JUND: variants seen among roughly 807,000 people sequenced by gnomAD.
JUND encodes the protein JunD proto-oncogene, AP-1 transcription factor subunit.
JUND carries 2 observed loss-of-function variants against 7.1 expected under a neutral mutation model. The ratio of observed to expected loss-of-function variants is 0.28; its 90% CI spans 0.11 to 0.88. JUND has a LOEUF of 0.88. JUND is among the 40% of genes least tolerant of loss of function. The pLI is 0.60. For missense variants in JUND, 479 were observed against 519.1 expected (o/e 0.92, Z 0.75); for synonymous variants, 335 against 263.2 (o/e 1.27, Z -2.64).
Position 18,280,855 on chromosome 19 carries a change from GGCGCCCCCC to G in JUND, c.621_629del (p.Gly208_Ala210del), listed in dbSNP as rs1715319895. ...GTTCGGCAGCGAAGGCGACCGTCGCGGCGCCCCCCGCGCCCCCGGCGCCGCCCGCGTAGC... is the reference window on the plus strand; with the variant it reads ...GTTCGGCAGCGAAGGCGACCGTCGCGGCGCCCCCGGCGCCGCCCGCGTAGC... On this transcript the variant is annotated inframe_deletion, in exon 1 of 1. Coordinates refer to ENST00000252818, the MANE Select transcript of JUND (RefSeq NM_005354.6). This position sits in a 1 kb window ranked among gnomAD's most constrained non-coding sequence, Gnocchi z 4.1. 4 of 1,325,294 alleles carry G rather than the reference GGCGCCCCCC, an allele frequency of 3.0e-6. No individual in the cohort carries two copies. Among genetic ancestry groups the G allele is most frequent in the Admixed American group, 4.2e-5 (1 of 24,014 alleles). The allele number at this position is 1,325,294 out of a possible 1,614,324, so 82.1% of individuals were successfully genotyped here.
In JUND at chr19:18,280,500, G is replaced by T. The variant is rs1969923741; in HGVS notation, c.985C>A (p.Leu329Ile). 1.3e-6 allele frequency: 2 copies of T among 1,599,852 alleles called. No homozygotes were observed. Among genetic ancestry groups the T allele is most frequent in the Non-Finnish European group, 1.7e-6 (2 of 1,173,854 alleles). ...EQVAQLKQKV[L>I]SHVNSGCQLL... ...TGGCAGCCGCTGTTGACGTGGCTGA[G>T]GACTTTCTGCTTGAGCTGCGCCACC... The change falls in exon 1 of 1, where the codon CTC (leucine) becomes ATC (isoleucine). Residue 329 changes from leucine (L) to isoleucine (I), a missense_variant. By Grantham distance (5) the Leu-to-Ile change is conservative. Transcript: ENST00000252818. The surrounding 1 kb of genome is among the most constrained non-coding windows in gnomAD (Gnocchi z 4.1).
Position 18,280,959 on chromosome 19 carries a change from A to G in JUND, c.526T>C (p.Ser176Pro), listed in dbSNP as rs1969934775. 9.5e-7 allele frequency: 1 copy of G among 1,052,096 alleles called. No homozygotes were observed. Among genetic ancestry groups the G allele is most frequent in the South Asian group, 4.4e-5 (1 of 22,604 alleles). 65.2% of individuals were successfully genotyped at this position (1,052,096 alleles called of 1,614,324 possible). The change falls in exon 1 of 1, where the codon TCC (serine) becomes CCC (proline). Residue 176 changes from serine to proline, a missense_variant. Transcript: ENST00000252818. This position sits in a 1 kb window ranked among gnomAD's most constrained non-coding sequence, Gnocchi z 4.1. ...GGGGCCAGCTCGCCGGGGGGCGCGG[A>G]GCCCGTGGCCGTGCCCGAGGGCCCC... ...AGGPSGTATGSAPPGELAPAA... is the reference protein window; with the variant it reads ...AGGPSGTATGPAPPGELAPAA...
rs768541781 is a variant in JUND at position 18,281,296 on chromosome 19, C to T, written c.189G>A (p.Lys63=). The T allele has an allele frequency of 5.8e-6, 8 of 1,390,392 alleles. No homozygotes were observed. Among genetic ancestry groups the T allele is most frequent in the South Asian group, 3.1e-5 (2 of 63,518 alleles). 86.1% of individuals were successfully genotyped at this position (1,390,392 alleles called of 1,614,324 possible). Residue 63 remains lysine (K), a synonymous_variant, in exon 1 of 1, where the codon AAG becomes AAA. Coordinates refer to ENST00000252818, the MANE Select transcript of JUND (RefSeq NM_005354.6). ...SLSEQVAAAL[K]PAAAPPPTPL... is the part of the protein sequence containing the mutation. Reference sequence around the variant, plus strand: ...GGGTAGGAGGCGGCGCGGCCGCAGGCTTGAGCGCTGCCGCCACCTGCTCAC... The same window carrying T: ...GGGTAGGAGGCGGCGCGGCCGCAGGTTTGAGCGCTGCCGCCACCTGCTCAC...
rs1175511322 is a variant in JUND at position 18,280,857 on chromosome 19, C to T, written c.628G>A (p.Ala210Thr). 15 of 1,311,090 alleles carry T rather than the reference C, an allele frequency of 1.1e-5. No individual in the cohort carries two copies. The East Asian group carries it at 3.8e-4, about 33-fold the overall frequency. The allele number at this position is 1,311,090 out of a possible 1,614,324, so 81.2% of individuals were successfully genotyped here. A position where few individuals can be genotyped will look rare whatever the true frequency, so the allele number is the denominator to read the frequency against. Residue 210 changes from alanine to threonine, a missense_variant, in exon 1 of 1, where the codon GCC (alanine) becomes ACC (threonine). Ala to Thr is a moderately conservative substitution (Grantham distance 58, BLOSUM62 0). Around this residue, in one of 3 missense-constraint regions of JUND, gnomAD observed 374 missense variants for 365.4 expected, o/e 1.02. Coordinates refer to ENST00000252818, the MANE Select transcript of JUND (RefSeq NM_005354.6). The surrounding 1 kb of genome is among the most constrained non-coding windows in gnomAD (Gnocchi z 4.1). Reference protein sequence around the residue: ...YAGGAGGAGGAATVAFAAEPV... With the variant: ...YAGGAGGAGGTATVAFAAEPV... ...TCGGCAGCGAAGGCGACCGTCGCGGCGCCCCCCGCGCCCCCGGCGCCGCCC... is the reference window on the plus strand; with the variant it reads ...TCGGCAGCGAAGGCGACCGTCGCGGTGCCCCCCGCGCCCCCGGCGCCGCCC...
chr19:18,281,340 C>T lies in JUND; in HGVS notation c.145G>A (p.Ala49Thr). Residue 49 changes from alanine to threonine, a missense_variant, in exon 1 of 1, where the codon GCG becomes ACG. Ala to Thr is a moderately conservative substitution (Grantham distance 58). Around this residue, in one of 3 missense-constraint regions of JUND, gnomAD observed 374 missense variants for 365.4 expected, o/e 1.02. Transcript: ENST00000252818. ...AAAGSMMKKD[A>T]LTLSLSEQVA... ...TGCTCACTCAGGCTCAGCGTCAGCG[C>T]GTCCTTCTTCATCATGCTGCCGGCC... 8 of 1,350,844 alleles carry T rather than the reference C, an allele frequency of 5.9e-6. No homozygotes were observed. Among genetic ancestry groups the T allele is most frequent in the Non-Finnish European group, 7.5e-6 (8 of 1,060,916 alleles). The allele number at this position is 1,350,844 out of a possible 1,614,324, so 83.7% of individuals were successfully genotyped here.
rs1177523014 is a variant in JUND, at chr19:18,280,794, A to G, written c.691T>C (p.Leu231=). The part of the protein sequence containing the change: ...PFPPPPPPGA[L]GPPRLAALKD... ...AGCGCAGCCAGGCGCGGCGGCCCCA[A>G]CGCGCCTGGGGGTGGCGGCGGCGGG... Residue 231 remains leucine (L), a synonymous_variant, in exon 1 of 1, where the codon TTG becomes CTG. Transcript: ENST00000252818. The surrounding 1 kb of genome is among the most constrained non-coding windows in gnomAD (Gnocchi z 4.1). 1.9e-6 allele frequency: 3 copies of G among 1,583,622 alleles called. No individual in the cohort carries two copies. The highest frequency in any genetic ancestry group is 1.4e-5 in the African/African-American group (1 of 72,912).
At position 18,280,525 on chromosome 19, in the gene JUND, C is replaced by T; in HGVS notation, c.960G>A (p.Gln320=). 1.2e-6 allele frequency: 2 copies of T among 1,610,884 alleles called. No homozygotes were observed. Among genetic ancestry groups the T allele is most frequent in the African/African-American group, 1.3e-5 (1 of 75,020 alleles). Residue 320 remains glutamine (Q), a synonymous_variant, in exon 1 of 1, where the codon CAG becomes CAA. Coordinates refer to ENST00000252818, the MANE Select transcript of JUND (RefSeq NM_005354.6). The surrounding 1 kb of genome is among the most constrained non-coding windows in gnomAD (Gnocchi z 4.1). ...LASTASLLRE[Q]VAQLKQKVLS... is the part of the protein sequence containing the mutation. ...GGACTTTCTGCTTGAGCTGCGCCAC[C>T]TGCTCGCGCAGCAGGCTCGCCGTGG...
chr19:18,280,347 G>A lies in JUND; in HGVS notation c.*94C>T. 1 of 1,392,908 alleles carries A rather than the reference G, an allele frequency of 7.2e-7. No individual in the cohort carries two copies. Among genetic ancestry groups the A allele is most frequent in the Non-Finnish European group, 9.6e-7 (1 of 1,044,162 alleles). 86.3% of individuals were successfully genotyped at this position (1,392,908 alleles called of 1,614,324 possible). ...ACACTCGGGGAGGGGGGGTCCCCAG[G>A]GCCGCACCCTCTCCAAGTCCGGGGC... On this transcript the variant is annotated 3_prime_UTR_variant, in exon 1 of 1. Transcript: ENST00000252818. The surrounding 1 kb of genome is among the most constrained non-coding windows in gnomAD (Gnocchi z 4.1).
rs1308713097 is a variant in JUND, at chr19:18,280,789, C to T, written c.696G>A (p.Gly232=). Reference sequence around the variant, plus strand: ...CCTTGAGCGCAGCCAGGCGCGGCGGCCCCAACGCGCCTGGGGGTGGCGGCG... The same window carrying T: ...CCTTGAGCGCAGCCAGGCGCGGCGGTCCCAACGCGCCTGGGGGTGGCGGCG... The part of the protein sequence containing the change: ...FPPPPPPGAL[G]PPRLAALKDE... The change falls in exon 1 of 1, where the codon GGG becomes GGA. Residue 232 remains glycine, a synonymous_variant. Coordinates refer to ENST00000252818, the MANE Select transcript of JUND (RefSeq NM_005354.6). The surrounding 1 kb of genome is among the most constrained non-coding windows in gnomAD (Gnocchi z 4.1). 5.0e-6 allele frequency: 8 copies of T among 1,585,004 alleles called. No homozygotes were observed. The highest frequency in any genetic ancestry group is 6.8e-6 in the Non-Finnish European group (8 of 1,173,392).
In JUND at chr19:18,280,799, C is replaced by T; in HGVS notation, c.686G>A (p.Gly229Asp). 1 of 1,575,402 alleles carries T rather than the reference C, an allele frequency of 6.3e-7. No individual in the cohort carries two copies. The highest frequency in any genetic ancestry group is 8.6e-7 in the Non-Finnish European group (1 of 1,169,536). Residue 229 changes from glycine to aspartate, a missense_variant, in exon 1 of 1, where the codon GGC becomes GAC. Coordinates refer to ENST00000252818, the MANE Select transcript of JUND (RefSeq NM_005354.6). This position sits in a 1 kb window ranked among gnomAD's most constrained non-coding sequence, Gnocchi z 4.1. ...PVPFPPPPPP[G>D]ALGPPRLAAL... ...AGCCAGGCGCGGCGGCCCCAACGCGCCTGGGGGTGGCGGCGGCGGGAAGGG... is the reference window on the plus strand; with the variant it reads ...AGCCAGGCGCGGCGGCCCCAACGCGTCTGGGGGTGGCGGCGGCGGGAAGGG...
rs1011969391 is a variant in JUND at position 18,280,889 on chromosome 19, C to G, written c.596G>C (p.Ser199Thr). The change falls in exon 1 of 1, where the codon AGC becomes ACC. Residue 199 changes from serine (S) to threonine (T), a missense_variant. Ser to Thr is a moderately conservative substitution (Grantham distance 58). Coordinates refer to ENST00000252818, the MANE Select transcript of JUND (RefSeq NM_005354.6). This position sits in a 1 kb window ranked among gnomAD's most constrained non-coding sequence, Gnocchi z 4.1. ...CGCGCCCCCGGCGCCGCCCGCGTAG[C>G]TGCTCAGGTTCGCGTAGACAGGCGC... is the stretch of plus-strand genomic sequence containing the variant. Reference protein sequence around the residue: ...PEAPVYANLSSYAGGAGGAGG... With the variant: ...PEAPVYANLSTYAGGAGGAGG... 7.8e-7 allele frequency: 1 copy of G among 1,283,130 alleles called. No individual in the cohort carries two copies. The allele number at this position is 1,283,130 out of a possible 1,614,324, so 79.5% of individuals were successfully genotyped here. A position where few individuals can be genotyped will look rare whatever the true frequency, so the allele number is the denominator to read the frequency against.
In JUND at chr19:18,281,151, C is replaced by T; in HGVS notation, c.334G>A (p.Gly112Arg). Residue 112 changes from glycine to arginine, a missense_variant, in exon 1 of 1, where the codon GGG (glycine) becomes AGG (arginine). This residue lies in a region of JUND where 374 missense variants were observed against 365.4 expected (regional missense o/e 1.02). Transcript: ENST00000252818. ...ELERLIIQSN[G>R]LVTTTPTSSQ... is the part of the protein sequence containing the mutation. The stretch of plus-strand genomic sequence containing the variant: ...CTCGTCGGCGTGGTGGTGACCAGCC[C>T]GTTGGACTGGATGATGAGGCGCTCG... 1 of 1,572,970 alleles carries T rather than the reference C, an allele frequency of 6.4e-7. No homozygotes were observed. The highest frequency in any genetic ancestry group is 8.6e-7 in the Non-Finnish European group (1 of 1,167,320).
At position 18,280,840 on chromosome 19, in the gene JUND, G is replaced by C. The variant is rs12979029; in HGVS notation, c.645C>G (p.Phe215Leu). ...GGAGGAATVA[F>L]AAEPVPFPPP... ...GCGGGAAGGGCACAGGTTCGGCAGC[G>C]AAGGCGACCGTCGCGGCGCCCCCCG... Residue 215 changes from phenylalanine to leucine, a missense_variant, in exon 1 of 1, where the codon TTC (phenylalanine) becomes TTG (leucine). Phe to Leu is a conservative substitution (Grantham distance 22, BLOSUM62 0). Transcript: ENST00000252818. The surrounding 1 kb of genome is among the most constrained non-coding windows in gnomAD (Gnocchi z 4.1). 7.2e-7 allele frequency: 1 copy of C among 1,390,526 alleles called. No homozygotes were observed. Among genetic ancestry groups the C allele is most frequent in the African/African-American group, 1.5e-5 (1 of 65,434 alleles). 86.1% of individuals were successfully genotyped at this position (1,390,526 alleles called of 1,614,324 possible).
In JUND at chr19:18,281,003, G is replaced by GCGGCGT; in HGVS notation, c.481_482insACGCCG (p.Ala160_Ala161insAspAla). The GCGGCGT allele has an allele frequency of 8.0e-7, 1 of 1,249,786 alleles. No homozygotes were observed. Among genetic ancestry groups the GCGGCGT allele is most frequent in the Non-Finnish European group, 1.0e-6 (1 of 998,704 alleles). 77.4% of individuals were successfully genotyped at this position (1,249,786 alleles called of 1,614,324 possible). A position where few individuals can be genotyped will look rare whatever the true frequency, so the allele number is the denominator to read the frequency against. On this transcript the variant is annotated inframe_insertion, in exon 1 of 1. Transcript: ENST00000252818. ...GGGCCCCCCGGCGGCGGCGGCGGCG[G>GCGGCGT]CGGCAGCGGCCGCGCCCGCGCCGAG...
rs541443082 is a variant in JUND, at chr19:18,280,357, TCTCC to T, written c.*80_*83del. On this transcript the variant is annotated 3_prime_UTR_variant, in exon 1 of 1. Transcript: ENST00000252818. The surrounding 1 kb of genome is among the most constrained non-coding windows in gnomAD (Gnocchi z 4.1). ...AGGGGGGGTCCCCAGGGCCGCACCC[TCTCC>T]AAGTCCGGGGCGCCCACGACACCCC... is the stretch of plus-strand genomic sequence containing the variant. 293 of 1,445,826 alleles carry T rather than the reference TCTCC, an allele frequency of 2.0e-4. 4 individuals carry two copies. The East Asian group carries it at 4.0e-3, about 20-fold the overall frequency. The allele number at this position is 1,445,826 out of a possible 1,614,324, so 89.6% of individuals were successfully genotyped here.
Position 18,280,846 on chromosome 19 carries a change from G to A in JUND, c.639C>T (p.Val213=). ...AGGGCACAGGTTCGGCAGCGAAGGC[G>A]ACCGTCGCGGCGCCCCCCGCGCCCC... ...GAGGAGGAAT[V]AFAAEPVPFP... Residue 213 remains valine, a synonymous_variant, in exon 1 of 1, where the codon GTC becomes GTT. Transcript: ENST00000252818. The surrounding 1 kb of genome is among the most constrained non-coding windows in gnomAD (Gnocchi z 4.1). 2 of 1,367,190 alleles carry A rather than the reference G, an allele frequency of 1.5e-6. No homozygotes were observed. The highest frequency in any genetic ancestry group is 1.5e-5 in the African/African-American group (1 of 64,870). 84.7% of individuals were successfully genotyped at this position (1,367,190 alleles called of 1,614,324 possible). A position where few individuals can be genotyped will look rare whatever the true frequency, so the allele number is the denominator to read the frequency against.
At position 18,280,810 on chromosome 19, in the gene JUND, C is replaced by T; in HGVS notation, c.675G>A (p.Pro225=). 6.4e-7 allele frequency: 1 copy of T among 1,560,688 alleles called. No homozygotes were observed. Among genetic ancestry groups the T allele is most frequent in the Non-Finnish European group, 8.6e-7 (1 of 1,162,888 alleles). Residue 225 remains proline (P), a synonymous_variant, in exon 1 of 1, where the codon CCG becomes CCA. Coordinates refer to ENST00000252818, the MANE Select transcript of JUND (RefSeq NM_005354.6). This position sits in a 1 kb window ranked among gnomAD's most constrained non-coding sequence, Gnocchi z 4.1. ...GCGGCCCCAACGCGCCTGGGGGTGGCGGCGGCGGGAAGGGCACAGGTTCGG... is the reference window on the plus strand; with the variant it reads ...GCGGCCCCAACGCGCCTGGGGGTGGTGGCGGCGGGAAGGGCACAGGTTCGG... The part of the protein sequence containing the change: ...FAAEPVPFPP[P]PPPGALGPPR...
In JUND at chr19:18,280,448, G is replaced by A; in HGVS notation, c.1037C>T (p.Ala346Val). 1.3e-6 allele frequency: 2 copies of A among 1,555,604 alleles called. No homozygotes were observed. The highest frequency in any genetic ancestry group is 1.7e-6 in the Non-Finnish European group (2 of 1,150,784). ...CQLLPQHQVP[A>V]Y ...TGCGCCCCGCGCGCGGACTCAGTAC[G>A]CGGGCACCTGGTGCTGGGGCAGCAG... The change falls in exon 1 of 1, where the codon GCG becomes GTG. Residue 346 changes from alanine to valine, a missense_variant. Ala to Val is a moderately conservative substitution (Grantham distance 64). Transcript: ENST00000252818. This position sits in a 1 kb window ranked among gnomAD's most constrained non-coding sequence, Gnocchi z 4.1.
Position 18,281,518 on chromosome 19 carries a change from GA to G in JUND, c.-35del. ...TCCCCCGCCGCGCCGGCCCGGGGGG[GA>G]GTGGCCGCGGCCTCCCGGGGGGCCC... is the stretch of plus-strand genomic sequence containing the variant. On this transcript the variant is annotated 5_prime_UTR_variant, in exon 1 of 1. Transcript: ENST00000252818. 2 of 1,183,620 alleles carry G rather than the reference GA, an allele frequency of 1.7e-6. No individual in the cohort carries two copies. The highest frequency in any genetic ancestry group is 2.1e-6 in the Non-Finnish European group (2 of 949,986). 73.3% of individuals were successfully genotyped at this position (1,183,620 alleles called of 1,614,324 possible). A position where few individuals can be genotyped will look rare whatever the true frequency, so the allele number is the denominator to read the frequency against.
Sources: gnomAD v4.1 joint callset for allele counts on GRCh38, gnomAD v4.1.1 for gene constraint, gnomAD v4.1.1 regional missense constraint, Gnocchi (gnomAD v3.1) non-coding constraint, MANE v1.5 for transcripts, NCBI Gene and HGNC (gene_info 2026-07-23, HGNC 2026-07-21) for gene names.